RAPGEF4: variants seen among roughly 807,000 people sequenced by gnomAD.
RAPGEF4 encodes RAP guanine-nucleotide-exchange factor (GEF) 4.
RAPGEF4 carries 66 observed loss-of-function variants against 147.9 expected under a neutral mutation model. The ratio of observed to expected loss-of-function variants is 0.45; its 90% confidence interval spans 0.37 to 0.55. The LOEUF (loss-of-function observed/expected upper bound fraction) is 0.55, where lower values mean the gene tolerates loss of function less well. RAPGEF4 is among the 20% of genes least tolerant of loss of function. The pLI is 0.00. For missense variants in RAPGEF4, 1,071 were observed against 1,257.3 expected (o/e 0.85, Z 2.24); for synonymous variants, 419 against 442.7 (o/e 0.95, Z 0.67).
intron 14 of RAPGEF4, among the ~76,000 whole-genome samples, chr2:172,990,364 AAAAAC>A (rs748447229): frequency 2.0e-5 from 3 of 152,230 alleles, no homozygotes; most frequent in Admixed American, 6.5e-5. Context: ...GATTTTTCTT[AAAAAC>A]AAAACAAAAC....
At chr2:173,002,660 GT>G (rs758078024) in intron 17 of RAPGEF4, among the ~76,000 whole-genome samples, 4 of 141,778 alleles carry the variant, frequency 2.8e-5, no homozygotes, top group Admixed American at 2.1e-4. Flanking sequence ...ATGTTGGCAT[GT>G]TTTCCTCATT....
intron 4 of RAPGEF4, among the ~76,000 whole-genome samples, chr2:172,836,009 A>G (rs1399200053): frequency 6.6e-6 from 1 of 152,190 alleles, no homozygotes; most frequent in African/African-American, 2.4e-5. Context: ...TGAGGGTGAT[A>G]GTTGTAATTA....
chr2:173,039,270 A>G (rs1684444909), intron 29 of RAPGEF4, among the ~76,000 whole-genome samples: 1 of 151,424 alleles, frequency 6.6e-6, no homozygotes, highest in Non-Finnish European at 1.5e-5. Flanking sequence ...ATCCTGACGA[A>G]CACAGTGAAA....
intron 2 of RAPGEF4, among the ~76,000 whole-genome samples, chr2:172,796,453 C>T (rs1168040941): frequency 6.6e-6 from 1 of 152,050 alleles, no homozygotes; most frequent in East Asian, 1.9e-4. Context: ...GGCGTGGTGG[C>T]AGGCACCTAT....
rs1016208101 is a variant in RAPGEF4 at position 172,922,311 on chromosome 2, A to G, written c.537+11A>G. ...CCTGACAAGGAGAACGTGAGTAGCT[A>G]CTCTCTCTGCCTATCTTCTAAAAAT... On this transcript the variant is annotated intron_variant, in intron 6 of 30. Coordinates refer to ENST00000397081, the MANE Select transcript of RAPGEF4 (RefSeq NM_007023.4). 3.9e-5 allele frequency: 63 copies of G among 1,602,066 alleles called. No individual in the cohort carries two copies. The highest frequency in any genetic ancestry group is 5.2e-5 in the Non-Finnish European group (61 of 1,169,460).
At chr2:172,866,449 C>A (rs1694658103) in intron 4 of RAPGEF4, among the ~76,000 whole-genome samples, 2 of 152,280 alleles carry the variant, frequency 1.3e-5, no homozygotes, top group South Asian at 2.1e-4. Flanking sequence ...ATTCCTTAGT[C>A]TCTGTAGGCT....
At chr2:172,953,192 T>C (rs1454479658) in intron 6 of RAPGEF4, among the ~76,000 whole-genome samples, 1 of 149,552 alleles carries the variant, frequency 6.7e-6, no homozygotes, top group South Asian at 2.1e-4. Flanking sequence ...ATATAATAGC[T>C]ATCTATTATA....
chr2:172,736,004 C>T lies in RAPGEF4; in HGVS notation c.21C>T (p.Ala7=). Residue 7 remains alanine (A), a synonymous_variant, in exon 1 of 31, where the codon GCC becomes GCT. Transcript: ENST00000397081. ...TCAACATGGTCGCTGCGCACGCTGC[C>T]CATTCTTCCTCCTCTGCCGAGTGGA... MVAAHA[A]HSSSSAEWIA... 2.0e-6 allele frequency: 3 copies of T among 1,480,088 alleles called. No individual in the cohort carries two copies. Among genetic ancestry groups the T allele is most frequent in the Non-Finnish European group, 2.7e-6 (3 of 1,113,896 alleles). 91.7% of individuals were successfully genotyped at this position (1,480,088 alleles called of 1,614,324 possible). A position where few individuals can be genotyped will look rare whatever the true frequency, so the allele number is the denominator to read the frequency against.
intron 6 of RAPGEF4, among the ~76,000 whole-genome samples, chr2:172,938,961 A>C (rs994291152): frequency 1.3e-5 from 2 of 152,204 alleles, no homozygotes; most frequent in African/African-American, 4.8e-5. Flanking sequence ...AGCAATATGC[A>C]CTTAAGATTC....
At chr2:173,017,585 G>A (rs1695625105) in intron 21 of RAPGEF4, 81 bp downstream of exon 21, 2 of 1,357,104 alleles carry the variant, frequency 1.5e-6, no homozygotes, top group South Asian at 1.3e-5. Flanking sequence ...TGGACCCACA[G>A]AATAGCTTCT....
At chr2:172,810,887 C>T (rs975860941) in intron 3 of RAPGEF4, among the ~76,000 whole-genome samples, 6 of 152,178 alleles carry the variant, frequency 3.9e-5, no homozygotes, top group African/African-American at 4.8e-5. Context: ...TCCTTGTTTT[C>T]GGTTTCCCCA....
At chr2:172,864,106 G>A (rs2149787364) in intron 4 of RAPGEF4, among the ~76,000 whole-genome samples, 1 of 152,254 alleles carries the variant, frequency 6.6e-6, no homozygotes, top group East Asian at 1.9e-4. Flanking sequence ...ATTATGAAAA[G>A]TAGGATTTTC....
chr2:172,817,937 A>C (rs911532724), intron 4 of RAPGEF4, among the ~76,000 whole-genome samples: 1 of 147,504 alleles, frequency 6.8e-6, no homozygotes, highest in Non-Finnish European at 1.5e-5. Context: ...TTACAATTAT[A>C]TATATAATGT....
chr2:172,769,356 G>C (rs1258272658), intron 1 of RAPGEF4, among the ~76,000 whole-genome samples: 1 of 152,152 alleles, frequency 6.6e-6, no homozygotes, highest in Non-Finnish European at 1.5e-5. Context: ...GACAATTTTA[G>C]AGGAAGATTA....
chr2:172,761,551 A>G (rs374452632), intron 1 of RAPGEF4, among the ~76,000 whole-genome samples: 2 of 152,220 alleles, frequency 1.3e-5, no homozygotes, highest in African/African-American at 4.8e-5. Flanking sequence ...CTGTCTCCAG[A>G]TGAAGAAAAA....
chr2:172,766,252 A>T (rs1435609041), intron 1 of RAPGEF4, among the ~76,000 whole-genome samples: 1 of 152,164 alleles, frequency 6.6e-6, no homozygotes, highest in Non-Finnish European at 1.5e-5. Flanking sequence ...ATTATACATT[A>T]TAAATTATAT....
intron 6 of RAPGEF4, among the ~76,000 whole-genome samples, chr2:172,932,286 T>A (rs1686076579): frequency 1.3e-5 from 2 of 152,208 alleles, no homozygotes; most frequent in East Asian, 1.9e-4. Context: ...TATATAGTCT[T>A]CCATTCTCAC....
chr2:172,967,709 C>T (rs1689999402), intron 10 of RAPGEF4, among the ~76,000 whole-genome samples: 1 of 152,186 alleles, frequency 6.6e-6, no homozygotes, highest in Non-Finnish European at 1.5e-5. Flanking sequence ...ACTGAGTCCC[C>T]ATATTAAATG....
At chr2:172,846,945 C>A (rs2149721186) in intron 4 of RAPGEF4, among the ~76,000 whole-genome samples, 1 of 152,260 alleles carries the variant, frequency 6.6e-6, no homozygotes, top group East Asian at 1.9e-4. Flanking sequence ...GCATGTCTCT[C>A]CTCCCTTTGG....
Sources: gnomAD v4.1 joint callset for allele counts (sites outside exome capture counted in the v4.1 genomes callset) on GRCh38, gnomAD v4.1.1 for gene constraint, MANE v1.5 for transcripts, NCBI Gene and HGNC (gene_info 2026-07-23, HGNC 2026-07-21) for gene names.